Variants in LCOR observed in about 807,000 individuals in gnomAD.
The protein encoded by LCOR is ligand dependent nuclear receptor corepressor.
A neutral mutation model predicts 64.4 loss-of-function variants in LCOR; 14 were observed. The ratio of observed to expected loss-of-function variants is 0.22; its 90% CI spans 0.14 to 0.34. The LOEUF (loss-of-function observed/expected upper bound fraction) is 0.34, where lower values mean the gene tolerates loss of function less well. Ranked by LOEUF, LCOR falls within the 10% of genes least tolerant of loss-of-function variation. The probability of loss-of-function intolerance (pLI) is 1.00; values close to 1 mark genes in which losing one functional copy is unlikely to be tolerated. For missense variants in LCOR, 1,686 were observed against 1,765.3 expected (o/e 0.96, Z 0.80); for synonymous variants, 643 against 642.5 (o/e 1.00, Z -0.01).
intron 2 of LCOR, among the ~76,000 whole-genome samples, chr10:96,843,956 G>T (rs1845583081): frequency 6.6e-6 from 1 of 152,088 alleles, no homozygotes; most frequent in Non-Finnish European, 1.5e-5. Context: ...CTTTGATGTT[G>T]TTAACATCTG....
intron 7 of LCOR, among the ~76,000 whole-genome samples, chr10:96,966,430 G>T (rs535769570): frequency 1.3e-5 from 2 of 151,640 alleles, no homozygotes; most frequent in East Asian, 1.9e-4. Flanking sequence ...GGGTTTCACC[G>T]TGTTAGCCAA....
Position 96,992,635 on chromosome 10 carries a change from G to A in LCOR, c.*7501G>A, listed in dbSNP as rs921889786. On this transcript the variant is annotated 3_prime_UTR_variant, in exon 8 of 8. Coordinates refer to ENST00000421806, the MANE Select transcript of LCOR (RefSeq NM_001346516.2). ...TTGGTACATTTAGCTGTATGGCATC[G>A]GGTGTGCCCCACGCAGCCTACTTCT... The A allele has an allele frequency of 5.3e-5, 8 of 152,230 alleles. No homozygotes were observed. The highest frequency in any genetic ancestry group is 1.7e-4 in the African/African-American group (7 of 41,526). The allele number at this position is 152,230 out of a possible 1,614,324, so 9.4% of individuals were successfully genotyped here.
In LCOR at chr10:96,952,343, C is replaced by T. The variant is rs1298536585; in HGVS notation, c.332+147C>T. 5.1e-6 allele frequency: 3 copies of T among 590,096 alleles called. No homozygotes were observed. In the African/African-American group the frequency reaches 5.7e-5, roughly 11 times the overall value. The allele number at this position is 590,096 out of a possible 1,614,324, so 36.6% of individuals were successfully genotyped here. A position where few individuals can be genotyped will look rare whatever the true frequency, so the allele number is the denominator to read the frequency against. On this transcript the variant is annotated intron_variant, in intron 7 of 7. Transcript: ENST00000421806. ...ACCATAGATCAAATAAAAATATAATCTGTGCAATGTAAAATTGGCTAGTAC... is the reference window on the plus strand; with the variant it reads ...ACCATAGATCAAATAAAAATATAATTTGTGCAATGTAAAATTGGCTAGTAC...
In LCOR at chr10:96,920,434, G is replaced by GTATATGTATATATATTCA. The variant is rs1554837188; in HGVS notation, c.-184+12692_-184+12693insGTATATATATTCATATAT. Among the ~76,000 whole-genome samples, 40 of 124,000 alleles carry GTATATGTATATATATTCA rather than the reference G, an allele frequency of 3.2e-4. 3 individuals carry two copies. Among genetic ancestry groups the GTATATGTATATATATTCA allele is most frequent in the African/African-American group, 1.2e-3 (35 of 28,238 alleles). The allele number at this position is 124,000 out of a possible 152,430, so 81.3% of individuals were successfully genotyped here. On this transcript the variant is annotated intron_variant, in intron 4 of 7. Transcript: ENST00000421806. ...TATGTATATATATTCATATATATGT[G>GTATATGTATATATATTCA]TATATATGTGTATATATATGTATAT...
At chr10:96,906,080 G>A (rs993400211) in intron 2 of LCOR, among the ~76,000 whole-genome samples, 8 of 152,148 alleles carry the variant, frequency 5.3e-5, no homozygotes, top group Middle Eastern at 3.4e-3. Context: ...TTATGTGTCC[G>A]GCAGGATATA....
intron 7 of LCOR, chr10:96,962,355 G>A (rs1212975264): frequency 2.6e-5 from 4 of 152,120 alleles, no homozygotes; most frequent in African/African-American, 9.7e-5. Context: ...CAGGGAATGA[G>A]CAGTATTTAG....
intron 7 of LCOR, chr10:96,960,424 C>T (rs1489478088): frequency 6.6e-6 from 1 of 152,102 alleles, no homozygotes; most frequent in African/African-American, 2.4e-5. Context: ...TTGTAGATTT[C>T]CTTTTGAGAC....
At chr10:96,913,060 C>CTTT (rs536730246) in intron 4 of LCOR, among the ~76,000 whole-genome samples, 1 of 144,584 alleles carries the variant, frequency 6.9e-6, no homozygotes, top group Non-Finnish European at 1.5e-5. Context: ...TTTTAAAGCA[C>CTTT]TTTTTTTTTT....
chr10:96,952,141 G>T lies in LCOR; in HGVS notation c.277G>T (p.Ala93Ser), dbSNP rs1847691013. ...LDLSTKKSPC[A>S]GSTSLSHSPG... ...TCTGTCCACTAAGAAAAGTCCATGT[G>T]CTGGCAGCACTTCCCTGAGCCACTC... Residue 93 changes from alanine to serine, a missense_variant, in exon 7 of 8, where the codon GCT (alanine) becomes TCT (serine). Physicochemically the swap from Ala to Ser is moderately conservative, Grantham distance 99. Coordinates refer to ENST00000421806, the MANE Select transcript of LCOR (RefSeq NM_001346516.2). 6.2e-7 allele frequency: 1 copy of T among 1,613,924 alleles called. No individual in the cohort carries two copies. Among genetic ancestry groups the T allele is most frequent in the African/African-American group, 1.3e-5 (1 of 74,900 alleles).
At chr10:96,957,349 T>C (rs1416686508) in intron 7 of LCOR, 2 of 985,130 alleles carry the variant, frequency 2.0e-6, no homozygotes, top group East Asian at 1.1e-4. Flanking sequence ...ATATCTAAGC[T>C]TTTTCTGAGA....
intron 7 of LCOR, chr10:96,954,869 C>T (rs1243483608): frequency 2.0e-6 from 2 of 1,010,196 alleles, no homozygotes; most frequent in Non-Finnish European, 2.9e-6. Context: ...CAAGCAAGGC[C>T]TTCTAATAAA....
At chr10:96,927,306 GTGTT>G (rs1448133120) in intron 4 of LCOR, among the ~76,000 whole-genome samples, 7 of 152,002 alleles carry the variant, frequency 4.6e-5, no homozygotes, top group Admixed American at 2.6e-4. Flanking sequence ...TTTATGTGAT[GTGTT>G]TGTTTGAATC....
chr10:96,955,348 A>T, intron 7 of LCOR: 1 of 1,614,138 alleles, frequency 6.2e-7, no homozygotes, highest in South Asian at 1.1e-5. Flanking sequence ...GATGGAAAAA[A>T]GGATGTGAGC....
At chr10:96,845,745 G>C (rs1203826431) in intron 2 of LCOR, among the ~76,000 whole-genome samples, 1 of 151,364 alleles carries the variant, frequency 6.6e-6, no homozygotes, top group Admixed American at 6.6e-5. Context: ...GGGATTACAG[G>C]TGTGAGCCAC....
chr10:96,882,995 C>G (rs1374755812), intron 2 of LCOR, among the ~76,000 whole-genome samples: 1 of 152,106 alleles, frequency 6.6e-6, no homozygotes, highest in East Asian at 1.9e-4. Flanking sequence ...CAAGTTTTGA[C>G]AGTTATAAAT....
intron 2 of LCOR, among the ~76,000 whole-genome samples, chr10:96,888,970 T>C (rs1846392557): frequency 6.6e-6 from 1 of 152,218 alleles, no homozygotes; most frequent in African/African-American, 2.4e-5. Context: ...GTAATCCAAG[T>C]TGTATCTTCC....
At chr10:96,878,011 A>C (rs922422314) in intron 2 of LCOR, among the ~76,000 whole-genome samples, 1 of 152,234 alleles carries the variant, frequency 6.6e-6, no homozygotes, top group Non-Finnish European at 1.5e-5. Flanking sequence ...TTTTCATTGA[A>C]TAATTTAGTT....
At chr10:96,897,939 T>C (rs2134441932) in intron 2 of LCOR, among the ~76,000 whole-genome samples, 1 of 151,932 alleles carries the variant, frequency 6.6e-6, no homozygotes, top group South Asian at 2.1e-4. Context: ...TTTCAAGTCT[T>C]TAGCTTGCCT....
chr10:96,874,587 A>G (rs972800546), intron 2 of LCOR, among the ~76,000 whole-genome samples: 1 of 152,142 alleles, frequency 6.6e-6, no homozygotes. Context: ...GTACTCTGCA[A>G]ATAATAGACC....
Sources: gnomAD v4.1 joint callset for allele counts (sites outside exome capture counted in the v4.1 genomes callset) on GRCh38, gnomAD v4.1.1 for gene constraint, MANE v1.5 for transcripts, NCBI Gene and HGNC (gene_info 2026-07-23, HGNC 2026-07-21) for gene names.